XRCC5: variants seen among roughly 807,000 people sequenced by gnomAD.
XRCC5 encodes the protein X-ray repair cross complementing 5, also known as DNA repair protein Ku80.
Under a neutral mutation model 95.7 loss-of-function variants are expected in XRCC5, and 12 were observed. The ratio of observed to expected loss-of-function variants is 0.13; its 90% CI spans 0.08 to 0.20. XRCC5 has a LOEUF of 0.20. XRCC5 is among the 10% of genes least tolerant of loss of function. The pLI is 1.00. For missense variants in XRCC5, 595 were observed against 873.9 expected, an observed-to-expected ratio of 0.68 and a Z score of 4.02; for synonymous variants, 281 against 290.3, an observed-to-expected ratio of 0.97 and a Z score of 0.33.
At chr2:216,136,943 ATGTG>A in intron 10 of XRCC5, 141 bp from the exon 11 acceptor site, 1 of 861,136 alleles carries the variant, frequency 1.2e-6, no homozygotes, top group South Asian at 2.7e-5. Context: ...TCAAAAGCAA[ATGTG>A]TGCACTTCGT....
chr2:216,127,782 T>C, intron 8 of XRCC5, 108 bp downstream of exon 8: 1 of 1,242,788 alleles, frequency 8.0e-7, no homozygotes, highest in Non-Finnish European at 1.1e-6. Flanking sequence ...TTCTTTGAGT[T>C]ATAGAAATAT....
intron 19 of XRCC5, among the ~76,000 whole-genome samples, 190 bp downstream of exon 19, chr2:216,195,176 G>A (rs1404009551): frequency 6.6e-6 from 1 of 152,222 alleles, no homozygotes; most frequent in East Asian, 1.9e-4. Context: ...CCTGTAGGCT[G>A]TGGTTATATT....
intron 13 of XRCC5, among the ~76,000 whole-genome samples, 164 bp from the exon 14 acceptor site, chr2:216,147,919 C>T (rs1411267469): frequency 5.9e-5 from 9 of 152,126 alleles, no homozygotes; most frequent in Non-Finnish European, 1.2e-4. Flanking sequence ...GACCAATATC[C>T]TGCCAACAAA....
chr2:216,185,904 C>T (rs1043911986), intron 16 of XRCC5, among the ~76,000 whole-genome samples: 3 of 152,082 alleles, frequency 2.0e-5, no homozygotes, highest in Admixed American at 6.5e-5. Context: ...GGGTTACAGG[C>T]GTGAGCCATT....
chr2:216,172,388 AC>A lies in XRCC5; in HGVS notation c.1834+10341del, dbSNP rs1369377549. On this transcript the variant is annotated intron_variant, in intron 16 of 20. Coordinates refer to ENST00000392132, the MANE Select transcript of XRCC5 (RefSeq NM_021141.4). ...AAATAGAATACTCGGATACACTCCAACTTTGTTCTTTTCTAAAAATGTTTTA... is the reference window on the plus strand; with the variant it reads ...AAATAGAATACTCGGATACACTCCAATTTGTTCTTTTCTAAAAATGTTTTA... Among the ~76,000 whole-genome samples, 3 of 151,858 alleles carry A rather than the reference AC, an allele frequency of 2.0e-5. No individual in the cohort carries two copies. In the East Asian group the frequency reaches 5.8e-4, roughly 29 times the overall value.
intron 16 of XRCC5, among the ~76,000 whole-genome samples, chr2:216,167,651 G>C (rs1470285096): frequency 1.3e-5 from 2 of 149,886 alleles, no homozygotes; most frequent in African/African-American, 4.9e-5. Flanking sequence ...GTAATCTTGG[G>C]TATGAATTAT....
At chr2:216,170,791 G>A (rs764105111) in intron 16 of XRCC5, among the ~76,000 whole-genome samples, 2 of 152,238 alleles carry the variant, frequency 1.3e-5, no homozygotes, top group Non-Finnish European at 2.9e-5. Context: ...CACCCTTGCA[G>A]TAAGTGCTAA....
chr2:216,113,148 C>G lies in XRCC5; in HGVS notation c.135+19C>G. ...GCGACAGGTAAGTTTCAGATTGACA[C>G]TGAGCTTGTAACCCATGTTTGAACT... On this transcript the variant is annotated intron_variant, in intron 2 of 20. Transcript: ENST00000392132. The G allele has an allele frequency of 6.2e-7, 1 of 1,600,646 alleles. No homozygotes were observed. The highest frequency in any genetic ancestry group is 8.6e-7 in the Non-Finnish European group (1 of 1,168,440).
intron 18 of XRCC5, 125 bp from the exon 19 acceptor site, chr2:216,194,794 G>A (rs1689684425): frequency 2.3e-6 from 2 of 884,058 alleles, no homozygotes; most frequent in South Asian, 3.0e-5. Context: ...AACATAGTGG[G>A]ACCCTGTCTC....
At position 216,133,288 on chromosome 2, in the gene XRCC5, G is replaced by A. The variant is rs184793113; in HGVS notation, c.1113+901G>A. Among the ~76,000 whole-genome samples the A allele has an allele frequency of 8.5e-5, 13 of 152,266 alleles. No individual in the cohort carries two copies. The East Asian group carries it at 2.3e-3, about 27-fold the overall frequency. The stretch of plus-strand genomic sequence containing the variant: ...ATTTCTCTTGAATCAAATCCTGTTG[G>A]GAATCATGGAAGTCTAGTATATACT... On this transcript the variant is annotated intron_variant, in intron 10 of 20. Transcript: ENST00000392132.
At chr2:216,196,553 G>T (rs553851631) in intron 19 of XRCC5, among the ~76,000 whole-genome samples, 86 of 152,168 alleles carry the variant, frequency 5.7e-4, no homozygotes, top group South Asian at 1.7e-3. Flanking sequence ...TATATATAGA[G>T]AGAGAGATTT....
At chr2:216,127,722 A>G (rs772564930) in intron 8 of XRCC5, 48 bp downstream of exon 8, 3 of 1,534,424 alleles carry the variant, frequency 2.0e-6, no homozygotes, top group Non-Finnish European at 2.6e-6. Context: ...ATTTTCTTCA[A>G]CATGATGTGA....
At chr2:216,182,791 T>C (rs1045724214) in intron 16 of XRCC5, among the ~76,000 whole-genome samples, 1 of 152,208 alleles carries the variant, frequency 6.6e-6, no homozygotes, top group African/African-American at 2.4e-5. Flanking sequence ...CTTTGGTCTT[T>C]AGTTAACTGC....
At chr2:216,174,160 GT>G (rs1453901211) in intron 16 of XRCC5, among the ~76,000 whole-genome samples, 1 of 151,748 alleles carries the variant, frequency 6.6e-6, no homozygotes, top group African/African-American at 2.4e-5. Context: ...CTTTTGTTTT[GT>G]TTTGTTTTTT....
intron 16 of XRCC5, among the ~76,000 whole-genome samples, chr2:216,185,610 C>T (rs1689479773): frequency 6.6e-6 from 1 of 151,764 alleles, no homozygotes; most frequent in Non-Finnish European, 1.5e-5. Flanking sequence ...TTTTTATTGT[C>T]ACTTTTAATT....
At chr2:216,169,870 TA>T (rs57399789) in intron 16 of XRCC5, among the ~76,000 whole-genome samples, 162 of 132,714 alleles carry the variant, frequency 1.2e-3, no homozygotes, top group Non-Finnish European at 1.4e-3. Flanking sequence ...ATGGTGAAAC[TA>T]AAAAAAAAAA....
At chr2:216,191,176 G>A (rs1043041335) in intron 17 of XRCC5, among the ~76,000 whole-genome samples, 2 of 152,190 alleles carry the variant, frequency 1.3e-5, no homozygotes, top group African/African-American at 2.4e-5. Context: ...CAGTTGGATG[G>A]AGAAAGATTT....
At position 216,131,906 on chromosome 2, in the gene XRCC5, T is replaced by C. The variant is rs569228024; in HGVS notation, c.1051-419T>C. On this transcript the variant is annotated intron_variant, in intron 9 of 20. Transcript: ENST00000392132. ...GCCTGGAACGCTTGTGCCCAGACTT[T>C]TCTCTTAGTTCCTATTTGTCCTTTT... Among the ~76,000 whole-genome samples the C allele has an allele frequency of 3.9e-5, 6 of 152,340 alleles. No individual in the cohort carries two copies. In the South Asian group the frequency reaches 1.2e-3, roughly 32 times the overall value.
intron 6 of XRCC5, among the ~76,000 whole-genome samples, chr2:216,124,156 G>A (rs1397964184): frequency 6.6e-6 from 1 of 152,226 alleles, no homozygotes; most frequent in Non-Finnish European, 1.5e-5. Context: ...GTACTGGACA[G>A]CACTGGACTA....
Sources: allele counts gnomAD v4.1 joint callset (sites outside exome capture counted in the v4.1 genomes callset), GRCh38; gene constraint gnomAD v4.1.1; transcripts MANE v1.5; gene names NCBI Gene and HGNC (gene_info 2026-07-23, HGNC 2026-07-21).